SERPINC1: variants seen among roughly 807,000 people sequenced by gnomAD.
SERPINC1 encodes the protein antithrombin-III.
SERPINC1 carries 12 observed loss-of-function variants against 43.4 expected under a neutral mutation model. The observed-to-expected ratio is 0.28, with a 90% CI of 0.18 to 0.45. The LOEUF is 0.45. SERPINC1 is among the 20% of genes least tolerant of loss of function. The probability of loss-of-function intolerance (pLI) is 1.00; values close to 1 mark genes in which losing one functional copy is unlikely to be tolerated. For synonymous variants in SERPINC1, 210 were observed against 218.9 expected, an observed-to-expected ratio of 0.96 and a Z score of 0.36; for missense variants, 423 against 578.8, an observed-to-expected ratio of 0.73 and a Z score of 2.76.
chr1:173,907,897 C>T (rs1657587138), intron 5 of SERPINC1, among the ~76,000 whole-genome samples: 1 of 151,594 alleles, frequency 6.6e-6, no homozygotes, highest in African/African-American at 2.4e-5. Context: ...AGGAGAATCG[C>T]TTGAACTCGG....
intron 2 of SERPINC1, 37 bp from the exon 3 acceptor site, chr1:173,912,051 G>A: frequency 6.7e-7 from 1 of 1,496,002 alleles, no homozygotes; most frequent in Non-Finnish European, 9.3e-7. Flanking sequence ...TGGGTTTGGT[G>A]GGCTGCCTAG....
At position 173,907,357 on chromosome 1, in the gene SERPINC1, T is replaced by TGCCTTAACACTGGAAACAG. The variant is rs1328690836; in HGVS notation, c.1218+74_1218+92dup. ...AGCAGGCCTGTGGAGGCCTTTTGCA[T>TGCCTTAACACTGGAAACAG]GCCTTAACACTGGAAACAGGCCTTT... On this transcript the variant is annotated intron_variant, in intron 6 of 6. Transcript: ENST00000367698. 5.0e-6 allele frequency: 5 copies of TGCCTTAACACTGGAAACAG among 992,410 alleles called. No individual in the cohort carries two copies. In the African/African-American group the frequency reaches 7.9e-5, roughly 16 times the overall value. 61.5% of individuals were successfully genotyped at this position (992,410 alleles called of 1,614,324 possible).
rs560112372 is a variant in SERPINC1, at chr1:173,908,918, G to A, written c.1153+634C>T. Among the ~76,000 whole-genome samples the A allele has an allele frequency of 1.6e-3, 249 of 152,242 alleles. 1 individual carries two copies. Among genetic ancestry groups the A allele is most frequent in the African/African-American group, 5.5e-3 (227 of 41,568 alleles). On this transcript the variant is annotated intron_variant, in intron 5 of 6. Coordinates refer to ENST00000367698, the MANE Select transcript of SERPINC1 (RefSeq NM_000488.4). The stretch of plus-strand genomic sequence containing the variant: ...GCGGTGGCTGACGCCTGTAATCCCA[G>A]CACTTTGGGAAGCCAAGGCAGGCGG...
At chr1:173,906,324 G>T (rs1217616957) in intron 6 of SERPINC1, among the ~76,000 whole-genome samples, 3 of 152,228 alleles carry the variant, frequency 2.0e-5, no homozygotes, top group Non-Finnish European at 4.4e-5. Context: ...CTAACACAGG[G>T]TTCCATGCAC....
intron 6 of SERPINC1, among the ~76,000 whole-genome samples, chr1:173,906,151 T>C (rs1657500489): frequency 1.3e-5 from 2 of 152,200 alleles, no homozygotes; most frequent in Non-Finnish European, 2.9e-5. Flanking sequence ...CCAAATCTCA[T>C]TGTGCATAAG....
intron 1 of SERPINC1, chr1:173,915,140 G>C: frequency 7.0e-7 from 1 of 1,428,166 alleles, no homozygotes; most frequent in Non-Finnish European, 9.1e-7. Flanking sequence ...GTTGGAATTA[G>C]AATCATCTGA....
Position 173,904,054 on chromosome 1 carries a change from T to G in SERPINC1, c.1230A>C (p.Glu410Asp). 3 of 1,614,220 alleles carry G rather than the reference T, an allele frequency of 1.9e-6. No individual in the cohort carries two copies. Among genetic ancestry groups the G allele is most frequent in the Non-Finnish European group, 2.5e-6 (3 of 1,180,024 alleles). The change falls in exon 7 of 7, where the codon GAA becomes GAC. Residue 410 changes from glutamate (E) to aspartate (D), a missense_variant. Glu to Asp is a conservative substitution (Grantham distance 45, BLOSUM62 2). Transcript: ENST00000367698. ...CGGTACTTGCAGCTGCTTCACTGCCTTCTTCATTTACCTGCAGGTCACATG... is the reference window on the plus strand; with the variant it reads ...CGGTACTTGCAGCTGCTTCACTGCCGTCTTCATTTACCTGCAGGTCACATG... ...FHKAFLEVNE[E>D]GSEAAASTAV...
chr1:173,907,584 A>T, intron 5 of SERPINC1, 70 bp from the exon 6 acceptor site: 2 of 1,087,346 alleles, frequency 1.8e-6, no homozygotes, highest in Admixed American at 3.4e-5. Flanking sequence ...ATGGGAATTC[A>T]GTTTGGATTA....
chr1:173,905,113 C>T (rs1465787345), intron 6 of SERPINC1, among the ~76,000 whole-genome samples: 4 of 152,216 alleles, frequency 2.6e-5, no homozygotes. Flanking sequence ...CCACTTCTAA[C>T]TGGAGTCCTT....
intron 6 of SERPINC1, among the ~76,000 whole-genome samples, chr1:173,904,542 C>T (rs146128396): frequency 5.9e-5 from 9 of 152,206 alleles, no homozygotes; most frequent in African/African-American, 9.6e-5. Context: ...TCTGGCTGGA[C>T]GAGATGCCAT....
chr1:173,907,458 A>T lies in SERPINC1; in HGVS notation c.1210T>A (p.Phe404Ile). ...GGGGAAGGTGTACTCACCTCAAGAA[A>T]TGCCTTATGGAATGCATCTGAGACA... ...LYVSDAFHKA[F>I]LEVNEEGSEA... The change falls in exon 6 of 7, where the codon TTT becomes ATT. Residue 404 changes from phenylalanine (F) to isoleucine (I), a missense_variant. Phe to Ile is a conservative substitution (Grantham distance 21). Transcript: ENST00000367698. The T allele has an allele frequency of 6.2e-7, 1 of 1,612,638 alleles. No homozygotes were observed. Among genetic ancestry groups the T allele is most frequent in the Non-Finnish European group, 8.5e-7 (1 of 1,178,624 alleles).
intron 4 of SERPINC1, 64 bp downstream of exon 4, chr1:173,910,690 A>G (rs1657733550): frequency 1.3e-6 from 2 of 1,568,374 alleles, no homozygotes; most frequent in Admixed American, 1.7e-5. Context: ...CATTTAAAAA[A>G]AAAGGGGGTA....
At position 173,909,660 on chromosome 1, in the gene SERPINC1, C is replaced by G. The variant is rs1657677663; in HGVS notation, c.1045G>C (p.Val349Leu). Residue 349 changes from valine (V) to leucine (L), a missense_variant, in exon 5 of 7, where the codon GTG (valine) becomes CTG (leucine). Transcript: ENST00000367698. ...ATGCGGAAGCGGGGCATGTGGACCA[C>G]CAGCATCATCTCCTCCAATTCATCC... ...WLDELEEMML[V>L]VHMPRFRIED... is the part of the protein sequence containing the mutation. The G allele has an allele frequency of 6.2e-7, 1 of 1,613,592 alleles. No individual in the cohort carries two copies. Among genetic ancestry groups the G allele is most frequent in the Non-Finnish European group, 8.5e-7 (1 of 1,179,670 alleles).
chr1:173,904,454 C>T (rs1156901528), intron 6 of SERPINC1, among the ~76,000 whole-genome samples: 1 of 152,158 alleles, frequency 6.6e-6, no homozygotes, highest in Non-Finnish European at 1.5e-5. Flanking sequence ...CAGTTTCACT[C>T]TTGGAGCATC....
In SERPINC1 at chr1:173,914,736, G is replaced by A. The variant is rs1404955227; in HGVS notation, c.225C>T (p.Ala75=). Residue 75 remains alanine (A), a synonymous_variant, in exon 2 of 7, where the codon GCC becomes GCT. Transcript: ENST00000367698. ...ACAGTTCCCAGACACGCCGGTTGGT[G>A]GCCTCCGGGATCTTCTGTTCTGAGC... The part of the protein sequence containing the change: ...DEGSEQKIPE[A]TNRRVWELSK... 1 of 1,614,232 alleles carries A rather than the reference G, an allele frequency of 6.2e-7. No homozygotes were observed. Among genetic ancestry groups the A allele is most frequent in the East Asian group, 2.2e-5 (1 of 44,890 alleles).
intron 2 of SERPINC1, among the ~76,000 whole-genome samples, 172 bp downstream of exon 2, chr1:173,914,381 A>G (rs1439768762): frequency 6.6e-6 from 1 of 152,228 alleles, no homozygotes; most frequent in Non-Finnish European, 1.5e-5. Context: ...AATTTTTTAA[A>G]AAATGATTTT....
chr1:173,908,751 C>A (rs1175502613), intron 5 of SERPINC1, among the ~76,000 whole-genome samples: 2 of 151,876 alleles, frequency 1.3e-5, no homozygotes, highest in Admixed American at 6.6e-5. Context: ...TTGTAGAGAC[C>A]ATCTCACTAT....
chr1:173,910,351 G>A (rs1354399356), intron 4 of SERPINC1, among the ~76,000 whole-genome samples: 2 of 152,106 alleles, frequency 1.3e-5, no homozygotes, highest in Non-Finnish European at 2.9e-5. Context: ...GGCCGAGGTG[G>A]GCAGATCACG....
At position 173,910,823 on chromosome 1, in the gene SERPINC1, G is replaced by A. The variant is rs140452859; in HGVS notation, c.693C>T (p.Thr231=). 255 of 1,613,856 alleles carry A rather than the reference G, an allele frequency of 1.6e-4. 1 individual carries two copies. In the African/African-American group the frequency reaches 2.7e-3, roughly 17 times the overall value. The part of the protein sequence containing the change: ...WVSNKTEGRI[T]DVIPSEAINE... ...TGATGGCTTCCGAGGGAATGACATC[G>A]GTGATTCGGCCTTCGGTCTTATTGG... Residue 231 remains threonine (T), a synonymous_variant, in exon 4 of 7, where the codon ACC becomes ACT. Coordinates refer to ENST00000367698, the MANE Select transcript of SERPINC1 (RefSeq NM_000488.4).
Sources: allele counts gnomAD v4.1 joint callset (sites outside exome capture counted in the v4.1 genomes callset), GRCh38; gene constraint gnomAD v4.1.1; transcripts MANE v1.5; gene names NCBI Gene and HGNC (gene_info 2026-07-23, HGNC 2026-07-21).